C5: variants seen among roughly 807,000 people sequenced by gnomAD.
C5 encodes C3 and PZP-like alpha-2-macroglobulin domain-containing protein 4.
C5 carries 140 observed loss-of-function variants against 218.8 expected under a neutral mutation model. The ratio of observed to expected loss-of-function variants is 0.64; its 90% CI spans 0.56 to 0.74. The LOEUF is 0.74. Ranked by LOEUF, C5 falls within the 30% of genes least tolerant of loss-of-function variation. C5 has a pLI of 0.00. For missense variants in C5, 1,700 were observed against 1,969.6 expected (o/e 0.86, Z 2.59); for synonymous variants, 614 against 682.3 (o/e 0.90, Z 1.56).
chr9:121,007,108 C>T, intron 18 of C5, 131 bp from the exon 19 acceptor site: 1 of 706,114 alleles, frequency 1.4e-6, no homozygotes, highest in South Asian at 1.5e-5. Flanking sequence ...GATGAAATCA[C>T]ATCATTAAGG....
chr9:121,021,374 T>A (rs1011538281), intron 11 of C5, 135 bp downstream of exon 11: 1 of 718,950 alleles, frequency 1.4e-6, no homozygotes, highest in Non-Finnish European at 2.5e-6. Context: ...GACTAATTTG[T>A]CTTGGATGCA....
At chr9:121,071,840 C>T in the C5 span, among the ~76,000 whole-genome samples, 2 of 139,634 alleles carry the variant, frequency 1.4e-5, no homozygotes, top group Non-Finnish European at 3.1e-5. Context: ...GAAGTTTAAA[C>T]AGAATAGCTT....
At chr9:120,973,554 A>C (rs2046930261) in intron 30 of C5, among the ~76,000 whole-genome samples, 1 of 152,228 alleles carries the variant, frequency 6.6e-6, no homozygotes, top group Non-Finnish European at 1.5e-5. Context: ...TTGGTTTATC[A>C]AGGGAAGTTG....
intron 2 of C5, 38 bp downstream of exon 2, chr9:121,046,152 TG>T (rs1174033540): frequency 9.7e-7 from 1 of 1,032,010 alleles, no homozygotes; most frequent in Non-Finnish European, 1.4e-6. Context: ...GAGAATATTC[TG>T]TATATATATA....
intron 21 of C5, among the ~76,000 whole-genome samples, chr9:120,996,764 T>A (rs1271833793): frequency 1.3e-5 from 2 of 152,116 alleles, no homozygotes; most frequent in Admixed American, 1.3e-4. Flanking sequence ...ACAAAATAAG[T>A]CGGTACATGT....
chr9:120,966,547 T>A (rs1564133342), intron 33 of C5, among the ~76,000 whole-genome samples: 1 of 152,098 alleles, frequency 6.6e-6, no homozygotes, highest in Non-Finnish European at 1.5e-5. Flanking sequence ...CCCTGTAGGG[T>A]CCCAGGCACT....
At position 120,952,800 on chromosome 9, in the gene C5, C is replaced by G; in HGVS notation, c.4970G>C (p.Cys1657Ser). 6.2e-7 allele frequency: 1 copy of G among 1,613,818 alleles called. No homozygotes were observed. The highest frequency in any genetic ancestry group is 1.1e-5 in the South Asian group (1 of 91,080). The change falls in exon 41 of 41, where the codon TGT becomes TCT. Residue 1657 changes from cysteine to serine, a missense_variant. Cys to Ser is a moderately radical substitution (Grantham distance 112, BLOSUM62 -1). Transcript: ENST00000223642. ...ATCTAAATTAGCTAAAAATGCTTGA[C>G]ACGATGAACATGTTGTGTCTCTAGG... ...YWPRDTTCSSCQAFLANLDEF... is the reference protein window; with the variant it reads ...YWPRDTTCSSSQAFLANLDEF...
At chr9:120,967,593 GGAC>G (rs749972564) in intron 33 of C5, among the ~76,000 whole-genome samples, 79 of 152,124 alleles carry the variant, frequency 5.2e-4, no homozygotes, top group Non-Finnish European at 1.3e-4. Flanking sequence ...AAGGACTGAG[GGAC>G]GATGGAAAGA....
chr9:121,045,381 A>C (rs1157342672), intron 2 of C5, among the ~76,000 whole-genome samples: 1 of 152,154 alleles, frequency 6.6e-6, no homozygotes, highest in Non-Finnish European at 1.5e-5. Context: ...CAAACTTAAA[A>C]CGGTACAATC....
chr9:121,031,131 C>G (rs2131797087), intron 6 of C5, among the ~76,000 whole-genome samples: 1 of 152,010 alleles, frequency 6.6e-6, no homozygotes. Flanking sequence ...TTATTCTTCT[C>G]CATGTCATTA....
At chr9:121,030,296 GATA>G in intron 7 of C5, 98 bp downstream of exon 7, 1 of 647,300 alleles carries the variant, frequency 1.5e-6, no homozygotes, top group East Asian at 2.8e-5. Flanking sequence ...GGCACACTTT[GATA>G]ATAAATCACA....
intron 36 of C5, among the ~76,000 whole-genome samples, chr9:120,961,947 A>T (rs569923982): frequency 1.3e-5 from 2 of 152,318 alleles, no homozygotes; most frequent in South Asian, 4.1e-4. Context: ...CAAGGGGAAG[A>T]GGGACTATGT....
At position 120,980,186 on chromosome 9, in the gene C5, G is replaced by C; in HGVS notation, c.3555C>G (p.Thr1185=). The C allele has an allele frequency of 6.2e-7, 1 of 1,614,156 alleles. No individual in the cohort carries two copies. Among genetic ancestry groups the C allele is most frequent in the Non-Finnish European group, 8.5e-7 (1 of 1,180,004 alleles). ...CATACGCAGAAATGGCCAATGTAAA[G>C]GTGCTCTGGGCTGGCAGTGTATTTT... is the stretch of plus-strand genomic sequence containing the variant. ...LLENTLPAQS[T]FTLAISAYAL... Residue 1185 remains threonine, a synonymous_variant, in exon 28 of 41, where the codon ACC becomes ACG. Coordinates refer to ENST00000223642, the MANE Select transcript of C5 (RefSeq NM_001735.3).
At position 120,980,268 on chromosome 9, in the gene C5, A is replaced by G; in HGVS notation, c.3487-14T>C. 6.2e-7 allele frequency: 1 copy of G among 1,613,032 alleles called. No individual in the cohort carries two copies. The highest frequency in any genetic ancestry group is 8.5e-7 in the Non-Finnish European group (1 of 1,179,044). Reference sequence around the variant, plus strand: ...TGTGTCGATTTTCTGGAAACAAGAGAAGATACTTCAGTTTCTATGTCAAGC... The same window carrying G: ...TGTGTCGATTTTCTGGAAACAAGAGGAGATACTTCAGTTTCTATGTCAAGC... On this transcript the variant is annotated splice_polypyrimidine_tract_variant and intron_variant, in intron 27 of 40. Transcript: ENST00000223642.
chr9:121,012,798 C>T (rs1197357014), intron 17 of C5, among the ~76,000 whole-genome samples: 1 of 152,114 alleles, frequency 6.6e-6, no homozygotes, highest in Non-Finnish European at 1.5e-5. Context: ...AGGCTACAAA[C>T]CTGTACAGCA....
At chr9:120,960,881 T>G (rs1238416639) in intron 37 of C5, among the ~76,000 whole-genome samples, 1 of 152,212 alleles carries the variant, frequency 6.6e-6, no homozygotes, top group Non-Finnish European at 1.5e-5. Context: ...ATTTTGAGTA[T>G]AATCAGAAGT....
chr9:121,062,062 GTTTTTC>G, the C5 span, among the ~76,000 whole-genome samples: 4 of 118,738 alleles, frequency 3.4e-5, no homozygotes, highest in Non-Finnish European at 6.9e-5. Context: ...TGTTGTTGTT[GTTTTTC>G]TTTTTTTCTT....
intron 17 of C5, among the ~76,000 whole-genome samples, chr9:121,012,911 A>G (rs544369159): frequency 4.6e-5 from 7 of 152,346 alleles, no homozygotes; most frequent in Non-Finnish European, 8.8e-5. Context: ...ATACGGTATT[A>G]TAATCCTATA....
At chr9:120,954,095 T>C (rs1309847511) in intron 39 of C5, among the ~76,000 whole-genome samples, 2 of 152,224 alleles carry the variant, frequency 1.3e-5, no homozygotes, top group East Asian at 1.9e-4. Flanking sequence ...ATTTATGTTA[T>C]CTGTATAAGG....
Sources: allele counts gnomAD v4.1 joint callset (sites outside exome capture counted in the v4.1 genomes callset), GRCh38; gene constraint gnomAD v4.1.1; transcripts MANE v1.5; gene names NCBI Gene and HGNC (gene_info 2026-07-23, HGNC 2026-07-21).